Variants in HMHB1 observed in about 807,000 individuals in gnomAD.
HMHB1 encodes minor histocompatibility protein HB-1.
HMHB1 carries 4 observed loss-of-function variants against 2.4 expected under a neutral mutation model. The ratio of observed to expected loss-of-function variants is 1.65; its 90% CI spans 0.81 to 3.77. The LOEUF (loss-of-function observed/expected upper bound fraction) is 3.77. HMHB1 is among the 30% of genes most tolerant of loss of function. The pLI is 0.01. For missense variants in HMHB1, 57 were observed against 44.2 expected (o/e 1.29, Z -0.82); for synonymous variants, 22 against 17.6 (o/e 1.25, Z -0.63).
rs372493577 is a variant in HMHB1, at chr5:143,820,493, T to C, written c.51T>C (p.Val17=). 3 of 1,610,208 alleles carry C rather than the reference T, an allele frequency of 1.9e-6. No homozygotes were observed. Among genetic ancestry groups the C allele is most frequent in the Non-Finnish European group, 2.5e-6 (3 of 1,176,612 alleles). ...TCTTTTCTATAGGTTCTCTGCATGT[T>C]TGGAAGTCGGAATTGGTTGAAGTTG... Residue 17 remains valine, a synonymous_variant, in exon 2 of 2, where the codon GTT becomes GTC. Coordinates refer to ENST00000289448, the MANE Select transcript of HMHB1 (RefSeq NM_021182.3).
At chr5:143,818,855 C>A (rs530151042) in intron 1 of HMHB1, among the ~76,000 whole-genome samples, 13 of 152,192 alleles carry the variant, frequency 8.5e-5, no homozygotes, top group African/African-American at 2.6e-4. Flanking sequence ...AATGGTTAGA[C>A]CTTCTGTTGC....
chr5:143,814,052 A>G (rs1040635898), intron 1 of HMHB1, among the ~76,000 whole-genome samples: 11 of 152,212 alleles, frequency 7.2e-5, no homozygotes. Flanking sequence ...ACATGCATTG[A>G]AGATAAAAAT....
In HMHB1 at chr5:143,818,847, T is replaced by A. The variant is rs147679543; in HGVS notation, c.38-1633T>A. Among the ~76,000 whole-genome samples the A allele has an allele frequency of 5.9e-5, 9 of 152,206 alleles. No homozygotes were observed. In the East Asian group the frequency reaches 1.5e-3, roughly 26 times the overall value. Reference sequence around the variant, plus strand: ...TAAATATGTACTCCACCACATGCAATGGTTAGACCTTCTGTTGCAAGTACA... The same window carrying A: ...TAAATATGTACTCCACCACATGCAAAGGTTAGACCTTCTGTTGCAAGTACA... On this transcript the variant is annotated intron_variant, in intron 1 of 1. Transcript: ENST00000289448.
Position 143,820,518 on chromosome 5 carries a change from G to A in HMHB1, c.76G>A (p.Glu26Lys), listed in dbSNP as rs762734946. The A allele has an allele frequency of 2.5e-6, 4 of 1,613,308 alleles. No individual in the cohort carries two copies. Among genetic ancestry groups the A allele is most frequent in the Non-Finnish European group, 3.4e-6 (4 of 1,179,462 alleles). Reference sequence around the variant, plus strand: ...TTGGAAGTCGGAATTGGTTGAAGTTGAAGATGATGTGTATCTGAGGCACAG... The same window carrying A: ...TTGGAAGTCGGAATTGGTTGAAGTTAAAGATGATGTGTATCTGAGGCACAG... Residue 26 changes from glutamate to lysine, a missense_variant, in exon 2 of 2, where the codon GAA becomes AAA. Coordinates refer to ENST00000289448, the MANE Select transcript of HMHB1 (RefSeq NM_021182.3).
At chr5:143,819,634 CA>C (rs34190658) in intron 1 of HMHB1, among the ~76,000 whole-genome samples, 27,919 of 82,424 alleles carry the variant, frequency 0.34, 2,496 homozygotes, top group East Asian at 0.45. Flanking sequence ...GACTCTGTCT[CA>C]AAAAAAAAAA....
chr5:143,820,345 A>AAAAAAAAAAAAAAAAAAAAAAC (rs1759797778), intron 1 of HMHB1, 135 bp from the exon 2 acceptor site: 1 of 292,616 alleles, frequency 3.4e-6, no homozygotes. Flanking sequence ...AAAAAAAAAA[A>AAAAAAAAAAAAAAAAAAAAAAC]AAAAACAGAA....
At chr5:143,813,595 C>A (rs965404653) in intron 1 of HMHB1, among the ~76,000 whole-genome samples, 3 of 152,294 alleles carry the variant, frequency 2.0e-5, no homozygotes, top group African/African-American at 7.2e-5. Context: ...GTTTCCTTAA[C>A]TCAGAAACTC....
chr5:143,815,076 T>A (rs1361384614), intron 1 of HMHB1, among the ~76,000 whole-genome samples: 1 of 152,194 alleles, frequency 6.6e-6, no homozygotes, highest in Non-Finnish European at 1.5e-5. Context: ...TGGGGCAAGC[T>A]CCATGAATGA....
Position 143,820,654 on chromosome 5 carries a change from T to C in HMHB1, c.*86T>C. 1 of 847,688 alleles carries C rather than the reference T, an allele frequency of 1.2e-6. No homozygotes were observed. Among genetic ancestry groups the C allele is most frequent in the Non-Finnish European group, 2.0e-6 (1 of 493,756 alleles). 52.5% of individuals were successfully genotyped at this position (847,688 alleles called of 1,614,324 possible). On this transcript the variant is annotated 3_prime_UTR_variant, in exon 2 of 2. Transcript: ENST00000289448. ...TGCTGAGCATGAAGAAGAGTAAAAT[T>C]AAGCAAGTGGAACATATGCCCTTTG... is the stretch of plus-strand genomic sequence containing the variant.
intron 1 of HMHB1, among the ~76,000 whole-genome samples, chr5:143,819,991 T>G (rs1015870737): frequency 1.3e-5 from 2 of 152,170 alleles, no homozygotes; most frequent in Non-Finnish European, 2.9e-5. Context: ...GCTTAATGTT[T>G]TTCTGCTATT....
chr5:143,815,129 A>T (rs906919142), intron 1 of HMHB1, among the ~76,000 whole-genome samples: 1 of 152,232 alleles, frequency 6.6e-6, no homozygotes, highest in Non-Finnish European at 1.5e-5. Context: ...CCTTTCTAAC[A>T]AAGTTCAGAG....
chr5:143,817,875 G>A (rs1759767096), intron 1 of HMHB1, among the ~76,000 whole-genome samples: 1 of 152,140 alleles, frequency 6.6e-6, no homozygotes, highest in South Asian at 2.1e-4. Context: ...TAAATGCAAT[G>A]CAAAAATTCT....
intron 1 of HMHB1, among the ~76,000 whole-genome samples, chr5:143,816,437 G>A (rs549398841): frequency 1.4e-4 from 21 of 152,228 alleles, no homozygotes; most frequent in Non-Finnish European, 2.9e-4. Flanking sequence ...TCTCACTTAT[G>A]AGTGAGAATA....
rs755845047 is a variant in HMHB1 at position 143,820,534 on chromosome 5, T to C, written c.92T>C (p.Leu31Pro). 62 of 1,613,094 alleles carry C rather than the reference T, an allele frequency of 3.8e-5. No individual in the cohort carries two copies. The Admixed American group carries it at 1.0e-3, about 26-fold the overall frequency. The stretch of plus-strand genomic sequence containing the variant: ...GTTGAAGTTGAAGATGATGTGTATC[T>C]GAGGCACAGCTCTTCCCTGACTTAT... The change falls in exon 2 of 2, where the codon CTG (leucine) becomes CCG (proline). Residue 31 changes from leucine (L) to proline (P), a missense_variant. Leu to Pro is a moderately conservative substitution (Grantham distance 98). Coordinates refer to ENST00000289448, the MANE Select transcript of HMHB1 (RefSeq NM_021182.3).
At position 143,815,251 on chromosome 5, in the gene HMHB1, AGAG is replaced by A. The variant is rs1243345757; in HGVS notation, c.37+2950_37+2952del. On this transcript the variant is annotated intron_variant, in intron 1 of 1. Coordinates refer to ENST00000289448, the MANE Select transcript of HMHB1 (RefSeq NM_021182.3). ...TGCACAATTCATTATCTTACAGTTA[AGAG>A]GACAGAAATCCAATCAGGGCCTTAT... Among the ~76,000 whole-genome samples, 4 of 152,348 alleles carry A rather than the reference AGAG, an allele frequency of 2.6e-5. No homozygotes were observed. In the East Asian group the frequency reaches 7.7e-4, roughly 29 times the overall value.
chr5:143,820,203 A>T (rs1293429050), intron 1 of HMHB1, among the ~76,000 whole-genome samples: 2 of 151,870 alleles, frequency 1.3e-5, no homozygotes, highest in East Asian at 3.8e-4. Context: ...AATTAAAACC[A>T]CTGGTTTTCG....
chr5:143,812,884 G>C (rs1346485342), intron 1 of HMHB1, among the ~76,000 whole-genome samples: 2 of 152,158 alleles, frequency 1.3e-5, no homozygotes, highest in Non-Finnish European at 2.9e-5. Flanking sequence ...AGACACGATG[G>C]CTTCATTCCT....
chr5:143,816,687 C>T (rs1759752883), intron 1 of HMHB1, among the ~76,000 whole-genome samples: 2 of 152,178 alleles, frequency 1.3e-5, no homozygotes, highest in Non-Finnish European at 1.5e-5. Flanking sequence ...ATCTTTTTCG[C>T]ATAATGACTT....
chr5:143,819,284 A>T (rs1759780938), intron 1 of HMHB1, among the ~76,000 whole-genome samples: 1 of 152,234 alleles, frequency 6.6e-6, no homozygotes, highest in Non-Finnish European at 1.5e-5. Context: ...ATTAGTTGCC[A>T]ACACTTAAGC....
Sources: gnomAD v4.1 joint callset for allele counts (sites outside exome capture counted in the v4.1 genomes callset) on GRCh38, gnomAD v4.1.1 for gene constraint, MANE v1.5 for transcripts, NCBI Gene and HGNC (gene_info 2026-07-23, HGNC 2026-07-21) for gene names.